SPAG6: variants seen among roughly 807,000 people sequenced by gnomAD.
SPAG6 encodes sperm-associated antigen 6.
Under a neutral mutation model 58.5 loss-of-function variants are expected in SPAG6, and 49 were observed. That is an observed-to-expected ratio of 0.84 (90% CI 0.67 to 1.06). SPAG6 has a LOEUF of 1.06. Ranked by LOEUF, SPAG6 falls within the 50% of genes least tolerant of loss-of-function variation. SPAG6 has a pLI of 0.00. For synonymous variants in SPAG6, 233 were observed against 225.6 expected, an observed-to-expected ratio of 1.03 and a Z score of -0.29; for missense variants, 560 against 611.3, an observed-to-expected ratio of 0.92 and a Z score of 0.89.
At chr10:22,413,835 A>C (rs1432102165) in intron 10 of SPAG6, among the ~76,000 whole-genome samples, 1 of 152,072 alleles carries the variant, frequency 6.6e-6, no homozygotes, top group Non-Finnish European at 1.5e-5. Context: ...ATAATCTCAA[A>C]ATAGTTTCAT....
chr10:22,382,214 C>G (rs1833972979), intron 4 of SPAG6, among the ~76,000 whole-genome samples: 1 of 152,254 alleles, frequency 6.6e-6, no homozygotes. Flanking sequence ...TGTCACAGTA[C>G]CACAGAGGAG....
intron 2 of SPAG6, among the ~76,000 whole-genome samples, chr10:22,346,962 T>A (rs1372140140): frequency 6.6e-6 from 1 of 152,346 alleles, no homozygotes; most frequent in East Asian, 1.9e-4. Flanking sequence ...TTCAAAACTG[T>A]AGTGCAATAT....
intron 10 of SPAG6, among the ~76,000 whole-genome samples, chr10:22,413,480 C>T (rs7921358): frequency 0.15 from 23,482 of 151,642 alleles, 5,421 homozygotes; most frequent in African/African-American, 0.51. Flanking sequence ...TTGCAGTGAG[C>T]CGAGATTGTG....
chr10:22,369,775 A>T (rs1394826008), intron 4 of SPAG6, among the ~76,000 whole-genome samples: 1 of 152,228 alleles, frequency 6.6e-6, no homozygotes, highest in African/African-American at 2.4e-5. Context: ...CAGTAAATGT[A>T]ACATATTAGT....
chr10:22,393,356 T>A lies in SPAG6; in HGVS notation c.1197+1436T>A, dbSNP rs146309067. On this transcript the variant is annotated intron_variant, in intron 8 of 10. Transcript: ENST00000376624. ...AGAGCATAAATCATTAATAGTGGAC[T>A]CAATAGTAATTTCAGCTTGAGAAGC... Among the ~76,000 whole-genome samples, 33 of 152,268 alleles carry A rather than the reference T, an allele frequency of 2.2e-4. 4 individuals are homozygous for A. Among genetic ancestry groups the A allele is most frequent in the South Asian group, 2.1e-3 (10 of 4,834 alleles).
In SPAG6 at chr10:22,345,846, C is replaced by T. The variant is rs1171735088; in HGVS notation, c.121+28C>T. The T allele has an allele frequency of 2.4e-5, 38 of 1,601,982 alleles. No homozygotes were observed. Among genetic ancestry groups the T allele is most frequent in the Non-Finnish European group, 3.2e-5 (38 of 1,174,626 alleles). ...GAGCCCGGAGCCCGAACCCCCGTCG[C>T]CCCCCGCGCACTGAGTCCCCGACGC... On this transcript the variant is annotated intron_variant, in intron 2 of 10. Transcript: ENST00000376624. This position sits in a 1 kb window ranked among gnomAD's most constrained non-coding sequence, Gnocchi z 6.3.
chr10:22,346,430 G>GTTCTTCTTCTTCCTC (rs1836532382), intron 2 of SPAG6, among the ~76,000 whole-genome samples: 5 of 95,920 alleles, frequency 5.2e-5, no homozygotes, highest in Non-Finnish European at 1.1e-4. Flanking sequence ...AGAGAAAATG[G>GTTCTTCTTCTTCCTC]TTCTTCTTCT....
At position 22,362,016 on chromosome 10, in the gene SPAG6, T is replaced by C. The variant is rs899094178; in HGVS notation, c.122-2837T>C. Among the ~76,000 whole-genome samples, 14 of 146,640 alleles carry C rather than the reference T, an allele frequency of 9.5e-5. No individual in the cohort carries two copies. The East Asian group carries it at 2.7e-3, about 29-fold the overall frequency. ...AATATATATATTTATTTCATATATTTATTTTATATAAATATATAGATATAT... is the reference window on the plus strand; with the variant it reads ...AATATATATATTTATTTCATATATTCATTTTATATAAATATATAGATATAT... On this transcript the variant is annotated intron_variant, in intron 2 of 10. Transcript: ENST00000376624.
chr10:22,408,943 T>TC (rs1408355171), intron 9 of SPAG6, among the ~76,000 whole-genome samples: 2 of 152,210 alleles, frequency 1.3e-5, no homozygotes, highest in Non-Finnish European at 2.9e-5. Context: ...GAAAGGGAAC[T>TC]CCCTGACCCC....
chr10:22,415,785 T>C (rs2130657326), intron 10 of SPAG6, among the ~76,000 whole-genome samples: 1 of 152,304 alleles, frequency 6.6e-6, no homozygotes, highest in South Asian at 2.1e-4. Flanking sequence ...AGAAGCTTAA[T>C]TATTTTGAGT....
intron 2 of SPAG6, among the ~76,000 whole-genome samples, chr10:22,350,238 C>T (rs1836681962): frequency 6.6e-6 from 1 of 151,818 alleles, no homozygotes; most frequent in South Asian, 2.1e-4. Context: ...GAAAATATGC[C>T]AAGGAGCTAT....
At chr10:22,398,467 C>G (rs1225311359) in intron 8 of SPAG6, among the ~76,000 whole-genome samples, 1 of 152,184 alleles carries the variant, frequency 6.6e-6, no homozygotes, top group African/African-American at 2.4e-5. Context: ...TGGCTTATGC[C>G]TATAATCCCA....
intron 4 of SPAG6, among the ~76,000 whole-genome samples, chr10:22,378,716 T>C (rs1833881264): frequency 6.6e-6 from 1 of 152,160 alleles, no homozygotes; most frequent in African/African-American, 2.4e-5. Flanking sequence ...TTCCTCAGCC[T>C]ATTGTTGTTC....
chr10:22,375,372 G>A (rs1362517641), intron 4 of SPAG6, among the ~76,000 whole-genome samples: 1 of 152,128 alleles, frequency 6.6e-6, no homozygotes, highest in Non-Finnish European at 1.5e-5. Flanking sequence ...CATAAGAATT[G>A]TACCTTGAGA....
chr10:22,361,889 C>A (rs1837051005), intron 2 of SPAG6, among the ~76,000 whole-genome samples: 1 of 150,778 alleles, frequency 6.6e-6, no homozygotes, highest in African/African-American at 2.4e-5. Flanking sequence ...AATATGTGTT[C>A]AAAGCTCTTT....
intron 2 of SPAG6, among the ~76,000 whole-genome samples, chr10:22,351,216 T>C (rs1588631934): frequency 6.6e-6 from 1 of 152,288 alleles, no homozygotes; most frequent in African/African-American, 2.4e-5. Flanking sequence ...CTAACTTTAA[T>C]TGATAAATTC....
chr10:22,395,603 A>G (rs1458311606), intron 8 of SPAG6, among the ~76,000 whole-genome samples: 1 of 152,138 alleles, frequency 6.6e-6, no homozygotes, highest in African/African-American at 2.4e-5. Context: ...GAGTTGTAAG[A>G]GTTCTTTGTA....
At chr10:22,361,032 T>C (rs1837021947) in intron 2 of SPAG6, 1 of 539,542 alleles carries the variant, frequency 1.9e-6, no homozygotes, top group Non-Finnish European at 3.3e-6. Context: ...CATGTCTCTT[T>C]AGAGGAAGAG....
chr10:22,363,284 A>G (rs1043969167), intron 2 of SPAG6, among the ~76,000 whole-genome samples: 11 of 152,250 alleles, frequency 7.2e-5, no homozygotes, highest in Admixed American at 5.2e-4. Context: ...CTGTGTTAAC[A>G]TTGAGTAGTC....
Sources: gnomAD v4.1 joint callset for allele counts (sites outside exome capture counted in the v4.1 genomes callset) on GRCh38, gnomAD v4.1.1 for gene constraint, Gnocchi (gnomAD v3.1) non-coding constraint, MANE v1.5 for transcripts, NCBI Gene and HGNC (gene_info 2026-07-23, HGNC 2026-07-21) for gene names.